The following CELF4 variants were observed in gnomAD, a reference collection of about 807,000 sequenced individuals.
The protein encoded by CELF4 is CUGBP Elav-like family member 4.
In CELF4, 18 loss-of-function variants were observed where a neutral mutation model predicts 59.9. That is an observed-to-expected ratio of 0.30 (90% CI 0.21 to 0.45). The LOEUF (loss-of-function observed/expected upper bound fraction) is 0.45. Among genes scored for constraint, CELF4 ranks in the 20% least tolerant of loss-of-function variants. The pLI is 1.00. For synonymous variants in CELF4, 261 were observed against 267.1 expected, an observed-to-expected ratio of 0.98 and a Z score of 0.22; for missense variants, 456 against 689.0, an observed-to-expected ratio of 0.66 and a Z score of 3.79.
chr18:37,279,937 T>G (rs954944379), intron 3 of CELF4, among the ~76,000 whole-genome samples: 2 of 152,232 alleles, frequency 1.3e-5, no homozygotes, highest in Non-Finnish European at 2.9e-5. Flanking sequence ...ACAAAGCCCT[T>G]GCTGCTGCCA....
intron 1 of CELF4, among the ~76,000 whole-genome samples, chr18:37,562,689 G>A (rs2099986925): frequency 6.6e-6 from 1 of 152,140 alleles, no homozygotes. Flanking sequence ...GTGGCCGGAG[G>A]CTTATTTTAT....
chr18:37,549,717 T>A (rs1016080016), intron 1 of CELF4, among the ~76,000 whole-genome samples: 3 of 152,246 alleles, frequency 2.0e-5, no homozygotes, highest in African/African-American at 4.8e-5. Flanking sequence ...GAAGGCATGC[T>A]ATAATATAAA....
intron 9 of CELF4, 76 bp from the exon 10 acceptor site, chr18:37,264,833 G>A: frequency 7.9e-7 from 1 of 1,263,440 alleles, no homozygotes; most frequent in Non-Finnish European, 1.1e-6. Context: ...AGAGATTTCA[G>A]TGCAGGCAGT....
At chr18:37,558,381 GT>G (rs140019882) in intron 1 of CELF4, among the ~76,000 whole-genome samples, 13,440 of 139,354 alleles carry the variant, frequency 0.096, 1,642 homozygotes, top group African/African-American at 0.3. Flanking sequence ...CCCTGTAACA[GT>G]TTTTTTTTTT....
At chr18:37,352,340 G>A (rs1170889250) in intron 2 of CELF4, among the ~76,000 whole-genome samples, 1 of 152,150 alleles carries the variant, frequency 6.6e-6, no homozygotes, top group African/African-American at 2.4e-5. Context: ...CTCCTCCCCA[G>A]CCTGCAGAAG....
At chr18:37,281,200 G>A (rs1432349818) in intron 3 of CELF4, among the ~76,000 whole-genome samples, 1 of 152,232 alleles carries the variant, frequency 6.6e-6, no homozygotes, top group South Asian at 2.1e-4. Context: ...TAGCCACGTG[G>A]GAAGCATCTT....
intron 1 of CELF4, among the ~76,000 whole-genome samples, chr18:37,563,197 A>G (rs1202910113): frequency 6.6e-6 from 1 of 152,090 alleles, no homozygotes; most frequent in African/African-American, 2.4e-5. Context: ...TCCAAATTAC[A>G]TCAGCAACAA....
At chr18:37,300,472 G>A (rs542799886) in intron 3 of CELF4, among the ~76,000 whole-genome samples, 116 of 152,192 alleles carry the variant, frequency 7.6e-4, no homozygotes, top group African/African-American at 2.6e-3. Context: ...TGATCCTCCC[G>A]CCTCGGCCTC....
chr18:37,367,942 T>A (rs1381126123), intron 2 of CELF4, among the ~76,000 whole-genome samples: 1 of 151,910 alleles, frequency 6.6e-6, no homozygotes, highest in Non-Finnish European at 1.5e-5. Context: ...ACCCAGCCCA[T>A]CTTCCAGCAG....
intron 10 of CELF4, among the ~76,000 whole-genome samples, chr18:37,262,955 T>C (rs1441810139): frequency 6.6e-6 from 1 of 152,190 alleles, no homozygotes; most frequent in East Asian, 1.9e-4. Flanking sequence ...GTAACTTGGC[T>C]TTCCTGGGCA....
intron 1 of CELF4, among the ~76,000 whole-genome samples, chr18:37,496,076 C>G (rs2154603698): frequency 6.6e-6 from 1 of 152,240 alleles, no homozygotes; most frequent in East Asian, 1.9e-4. Flanking sequence ...GTCTGGAGTG[C>G]CTTCCCCACT....
chr18:37,366,452 T>C (rs1356730679), intron 2 of CELF4, among the ~76,000 whole-genome samples: 1 of 152,172 alleles, frequency 6.6e-6, no homozygotes, highest in Non-Finnish European at 1.5e-5. Flanking sequence ...AGCAAAGCAC[T>C]GAGGCTGAGA....
chr18:37,476,352 C>T (rs2099848977), intron 2 of CELF4, among the ~76,000 whole-genome samples: 1 of 152,218 alleles, frequency 6.6e-6, no homozygotes, highest in Non-Finnish European at 1.5e-5. Flanking sequence ...TGTGCTCCTT[C>T]AGCCACCAGA....
chr18:37,311,489 C>T (rs1179058918), intron 3 of CELF4, among the ~76,000 whole-genome samples: 1 of 152,182 alleles, frequency 6.6e-6, no homozygotes, highest in African/African-American at 2.4e-5. Context: ...TAAAGATTCT[C>T]TTAAATTTTA....
intron 2 of CELF4, among the ~76,000 whole-genome samples, chr18:37,351,033 T>C (rs1012523294): frequency 6.6e-6 from 1 of 152,192 alleles, no homozygotes; most frequent in African/African-American, 2.4e-5. Context: ...CCCCCTTCTT[T>C]CAGGGTTTTA....
At chr18:37,512,030 G>A (rs561783419) in intron 1 of CELF4, among the ~76,000 whole-genome samples, 55 of 152,260 alleles carry the variant, frequency 3.6e-4, no homozygotes, top group African/African-American at 1.2e-3. Context: ...AGAAAAAACC[G>A]TACACAACTC....
At chr18:37,291,540 G>A (rs1237065672) in intron 3 of CELF4, among the ~76,000 whole-genome samples, 26 of 152,212 alleles carry the variant, frequency 1.7e-4, no homozygotes, top group Admixed American at 1.6e-3. Flanking sequence ...CACCAGCCCT[G>A]TGATTGGGGC....
chr18:37,410,493 C>T (rs777131833), intron 2 of CELF4, among the ~76,000 whole-genome samples: 8 of 152,246 alleles, frequency 5.3e-5, no homozygotes, highest in Non-Finnish European at 1.0e-4. Flanking sequence ...GCAAACCCGA[C>T]GATAGGGCTT....
intron 2 of CELF4, among the ~76,000 whole-genome samples, chr18:37,419,323 C>T (rs1371028342): frequency 6.6e-6 from 1 of 152,152 alleles, no homozygotes; most frequent in Non-Finnish European, 1.5e-5. Context: ...AAGAAAGATG[C>T]ACTGAGGAGG....
Sources: allele counts gnomAD v4.1 joint callset (sites outside exome capture counted in the v4.1 genomes callset), GRCh38; gene constraint gnomAD v4.1.1; transcripts MANE v1.5; gene names NCBI Gene and HGNC (gene_info 2026-07-23, HGNC 2026-07-21).